The following ABLIM1 variants were observed in gnomAD, a reference collection of about 807,000 sequenced individuals.
The protein encoded by ABLIM1 is actin-binding LIM protein 1.
In ABLIM1, 40 loss-of-function variants were observed where a neutral mutation model predicts 107.0. The observed-to-expected ratio is 0.37, with a 90% CI of 0.29 to 0.49. ABLIM1 has a LOEUF of 0.49. ABLIM1 is among the 20% of genes least tolerant of loss of function. The pLI, the probability that ABLIM1 is intolerant of heterozygous loss-of-function variation, is 0.97. For synonymous variants in ABLIM1, 357 were observed against 357.3 expected (o/e 1.00, Z 0.01); for missense variants, 857 against 1,008.5 (o/e 0.85, Z 2.04).
chr10:114,740,578 A>C (rs1246811753), intron 1 of ABLIM1, among the ~76,000 whole-genome samples: 4 of 152,100 alleles, frequency 2.6e-5, no homozygotes, highest in African/African-American at 9.7e-5. Context: ...CTGCAGCCTA[A>C]AATTTAAATT....
chr10:114,787,515 T>C, the ABLIM1 span, among the ~76,000 whole-genome samples: 76 of 110,660 alleles, frequency 6.9e-4, no homozygotes, highest in African/African-American at 1.8e-3. Context: ...CCAGCCGCCC[T>C]GTCCGGGAGG....
At chr10:114,536,265 G>T (rs1591003098) in intron 6 of ABLIM1, among the ~76,000 whole-genome samples, 1 of 66,998 alleles carries the variant, frequency 1.5e-5, no homozygotes, top group African/African-American at 6.9e-5. Context: ...TTTTTTTTTT[G>T]AGATGGAGTC....
chr10:114,483,755 T>G (rs1039934258), intron 8 of ABLIM1, among the ~76,000 whole-genome samples: 1 of 152,208 alleles, frequency 6.6e-6, no homozygotes, highest in Non-Finnish European at 1.5e-5. Flanking sequence ...AGGCACAGAA[T>G]GTACAGGCAC....
chr10:114,789,927 G>C, the ABLIM1 span, among the ~76,000 whole-genome samples: 1 of 152,122 alleles, frequency 6.6e-6, no homozygotes, highest in South Asian at 2.1e-4. Flanking sequence ...GGAGTAGCTG[G>C]ATTTACAGGT....
Position 114,486,953 on chromosome 10 carries a change from G to C in ABLIM1, c.1041+1005C>G, listed in dbSNP as rs536874597. 9.8e-5 allele frequency among the ~76,000 whole-genome samples: 15 copies of C among 152,310 alleles called. No homozygotes were observed. The South Asian group carries it at 1.2e-3, about 13-fold the overall frequency. On this transcript the variant is annotated intron_variant, in intron 8 of 22. Coordinates refer to ENST00000533213, the MANE Select transcript of ABLIM1 (RefSeq NM_002313.7). ...AAGCAAACACACTAGGAAAATAAGAGCTGTAATTCCCAGGGCGGCAGGCAA... is the reference window on the plus strand; with the variant it reads ...AAGCAAACACACTAGGAAAATAAGACCTGTAATTCCCAGGGCGGCAGGCAA...
intron 1 of ABLIM1, among the ~76,000 whole-genome samples, chr10:114,727,700 A>G (rs1055471066): frequency 2.6e-5 from 4 of 152,236 alleles, no homozygotes; most frequent in African/African-American, 4.8e-5. Flanking sequence ...CCACGCCTGT[A>G]ATCCAGCACT....
chr10:114,489,076 G>T (rs1441390986), intron 7 of ABLIM1, among the ~76,000 whole-genome samples: 1 of 151,818 alleles, frequency 6.6e-6, no homozygotes, highest in Non-Finnish European at 1.5e-5. Flanking sequence ...GAGTGCAAGT[G>T]GCACAATCTC....
In ABLIM1 at chr10:114,544,990, C is replaced by T. The variant is rs778932249; in HGVS notation, c.894+15G>A. 16 of 1,613,116 alleles carry T rather than the reference C, an allele frequency of 9.9e-6. No individual in the cohort carries two copies. In the South Asian group the frequency reaches 1.2e-4, roughly 12 times the overall value. On this transcript the variant is annotated intron_variant, in intron 6 of 22. Coordinates refer to ENST00000533213, the MANE Select transcript of ABLIM1 (RefSeq NM_002313.7). ...AAGATGGCGGTAGCTATGAGGGAGC[C>T]GGTCTGCCACTTACCTCCAGGACTT...
chr10:114,489,662 G>A (rs1362952169), intron 7 of ABLIM1, among the ~76,000 whole-genome samples: 2 of 152,104 alleles, frequency 1.3e-5, no homozygotes, highest in African/African-American at 4.8e-5. Flanking sequence ...AGAAGCATTC[G>A]CCGTGAAGGT....
At chr10:114,700,620 C>G (rs2081289836) in intron 1 of ABLIM1, among the ~76,000 whole-genome samples, 1 of 118,568 alleles carries the variant, frequency 8.4e-6, no homozygotes, top group African/African-American at 3.2e-5. Flanking sequence ...ATAGGAATTC[C>G]AGAAACAGAT....
At chr10:114,520,492 T>A (rs182943500) in intron 6 of ABLIM1, among the ~76,000 whole-genome samples, 1 of 151,980 alleles carries the variant, frequency 6.6e-6, no homozygotes, top group Non-Finnish European at 1.5e-5. Context: ...ATCAGTGCCA[T>A]CGTGGGAGCT....
intron 6 of ABLIM1, among the ~76,000 whole-genome samples, chr10:114,508,830 T>A (rs2061483812): frequency 6.6e-6 from 1 of 152,244 alleles, no homozygotes; most frequent in Non-Finnish European, 1.5e-5. Flanking sequence ...CACACAGTGA[T>A]TAAACTTTGT....
intron 6 of ABLIM1, among the ~76,000 whole-genome samples, chr10:114,514,658 C>T (rs1317556802): frequency 6.6e-6 from 1 of 152,166 alleles, no homozygotes; most frequent in Non-Finnish European, 1.5e-5. Flanking sequence ...GGATTACAGG[C>T]GTGGCCACCA....
chr10:114,569,801 C>T (rs2071382060), intron 4 of ABLIM1, among the ~76,000 whole-genome samples: 1 of 152,112 alleles, frequency 6.6e-6, no homozygotes. Context: ...AGGATGGTGC[C>T]TTGCTTTGTA....
intron 1 of ABLIM1, among the ~76,000 whole-genome samples, chr10:114,670,101 C>A (rs941859690): frequency 1.3e-5 from 2 of 152,158 alleles, no homozygotes; most frequent in Admixed American, 1.3e-4. Flanking sequence ...AACTCATGAA[C>A]TAGATGGAAA....
At chr10:114,656,098 C>T (rs1352398466) in intron 1 of ABLIM1, among the ~76,000 whole-genome samples, 1 of 151,940 alleles carries the variant, frequency 6.6e-6, no homozygotes, top group Admixed American at 6.5e-5. Context: ...TGGTGAAACC[C>T]CATCTCTACT....
At chr10:114,485,411 G>A (rs768069706) in intron 8 of ABLIM1, 107 of 1,570,606 alleles carry the variant, frequency 6.8e-5, no homozygotes, top group Middle Eastern at 1.7e-4. Flanking sequence ...AGGGAAGAAC[G>A]AACACAGAAA....
intron 1 of ABLIM1, among the ~76,000 whole-genome samples, chr10:114,695,305 T>A (rs1430106437): frequency 6.6e-6 from 1 of 152,168 alleles, no homozygotes; most frequent in Non-Finnish European, 1.5e-5. Flanking sequence ...TATAGAGCCC[T>A]TAAAACATGC....
intron 1 of ABLIM1, among the ~76,000 whole-genome samples, chr10:114,723,037 C>T (rs1591888486): frequency 6.6e-6 from 1 of 152,328 alleles, no homozygotes; most frequent in Non-Finnish European, 1.5e-5. Context: ...GGAATTCCTT[C>T]CTGAGCTATT....
Sources: gnomAD v4.1 joint callset for allele counts (sites outside exome capture counted in the v4.1 genomes callset) on GRCh38, gnomAD v4.1.1 for gene constraint, MANE v1.5 for transcripts, NCBI Gene and HGNC (gene_info 2026-07-23, HGNC 2026-07-21) for gene names.